The following GARRE1 variants were observed in gnomAD, a reference collection of about 807,000 sequenced individuals.
The protein encoded by GARRE1 is granule associated Rac and RHOG effector 1.
In GARRE1, 49 loss-of-function variants were observed where a neutral mutation model predicts 103.2. The ratio of observed to expected loss-of-function variants is 0.47; its 90% confidence interval spans 0.38 to 0.60. The LOEUF is 0.60. Among genes scored for constraint, GARRE1 ranks in the 20% least tolerant of loss-of-function variants. The probability of loss-of-function intolerance (pLI) is 0.00; values close to 1 mark genes in which losing one functional copy is unlikely to be tolerated. For synonymous variants in GARRE1, 505 were observed against 532.8 expected, an observed-to-expected ratio of 0.95 and a Z score of 0.72; for missense variants, 1,199 against 1,370.5, an observed-to-expected ratio of 0.87 and a Z score of 1.98.
chr19:34,321,547 C>T (rs992624900), intron 3 of GARRE1, among the ~76,000 whole-genome samples: 1 of 150,888 alleles, frequency 6.6e-6, no homozygotes, highest in Non-Finnish European at 1.5e-5. Context: ...CTCCGCCTGC[C>T]GGGTTCAAAC....
chr19:34,304,478 C>T (rs997867290), intron 2 of GARRE1, among the ~76,000 whole-genome samples: 4 of 149,612 alleles, frequency 2.7e-5, no homozygotes, highest in South Asian at 2.1e-4. Context: ...TGGGTTAAAG[C>T]GATTCTTGTG....
At chr19:34,301,007 T>C (rs932936766) in intron 2 of GARRE1, 39 bp downstream of exon 2, 14 of 1,558,292 alleles carry the variant, frequency 9.0e-6, no homozygotes, top group Non-Finnish European at 1.2e-5. Flanking sequence ...TAGGAAAATA[T>C]ACTACAAAGG....
At chr19:34,312,054 G>A (rs368449093) in intron 2 of GARRE1, among the ~76,000 whole-genome samples, 6 of 152,144 alleles carry the variant, frequency 3.9e-5, no homozygotes, top group African/African-American at 1.4e-4. Flanking sequence ...GGGCTTAAGC[G>A]ATCCTCCTGT....
intron 12 of GARRE1, among the ~76,000 whole-genome samples, chr19:34,349,529 A>G (rs1459899486): frequency 6.6e-6 from 1 of 152,250 alleles, no homozygotes; most frequent in Non-Finnish European, 1.5e-5. Context: ...TCTTTATTAA[A>G]GATGGATAAA....
chr19:34,318,160 TG>T (rs1456364101), intron 2 of GARRE1, among the ~76,000 whole-genome samples: 4 of 152,218 alleles, frequency 2.6e-5, no homozygotes, highest in South Asian at 2.1e-4. Flanking sequence ...ATAAGTGTCT[TG>T]CTGGGAACTG....
At chr19:34,256,409 A>C (rs1324323804) in intron 1 of GARRE1, among the ~76,000 whole-genome samples, 1 of 151,756 alleles carries the variant, frequency 6.6e-6, no homozygotes, top group Non-Finnish European at 1.5e-5. Context: ...AGTCCCAGCT[A>C]CTTGGGAGGC....
Position 34,323,023 on chromosome 19 carries a change from C to CTT in GARRE1, c.705+2933_705+2934dup, listed in dbSNP as rs71165649. 3.6e-3 allele frequency among the ~76,000 whole-genome samples: 242 copies of CTT among 66,700 alleles called. 30 individuals carry two copies. The highest frequency in any genetic ancestry group is 0.013 in the African/African-American group (227 of 17,600). 43.8% of individuals were successfully genotyped at this position (66,700 alleles called of 152,430 possible). A position where few individuals can be genotyped will look rare whatever the true frequency, so the allele number is the denominator to read the frequency against. On this transcript the variant is annotated intron_variant, in intron 3 of 13. Transcript: ENST00000299505. ...ATTAACTTGGCAAAGTATTTCTTTT[C>CTT]TTTTTTTTTTTTTTTTTTTTTTTTT...
intron 1 of GARRE1, among the ~76,000 whole-genome samples, chr19:34,291,197 C>T (rs949745018): frequency 3.3e-5 from 5 of 151,930 alleles, no homozygotes; most frequent in Non-Finnish European, 5.9e-5. Context: ...TGTGAGCCAC[C>T]GCGCCCAGCC....
chr19:34,259,369 A>G (rs2073699660), intron 1 of GARRE1, among the ~76,000 whole-genome samples: 1 of 152,162 alleles, frequency 6.6e-6, no homozygotes, highest in South Asian at 2.1e-4. Context: ...ACGTGGTCCT[A>G]CTCTGGATGT....
intron 2 of GARRE1, among the ~76,000 whole-genome samples, chr19:34,316,834 G>A (rs1207794630): frequency 3.3e-5 from 5 of 152,222 alleles, no homozygotes; most frequent in Admixed American, 6.5e-5. Flanking sequence ...TTATAGGAAA[G>A]AAGCTTAGGT....
chr19:34,269,222 C>G (rs1281253030), intron 1 of GARRE1, among the ~76,000 whole-genome samples: 1 of 152,186 alleles, frequency 6.6e-6, no homozygotes, highest in African/African-American at 2.4e-5. Context: ...GAGCAAATGT[C>G]AGTACCAGAG....
chr19:34,322,232 C>T (rs536325504), intron 3 of GARRE1, among the ~76,000 whole-genome samples: 4 of 152,238 alleles, frequency 2.6e-5, no homozygotes, highest in African/African-American at 9.6e-5. Flanking sequence ...AGTATAATGG[C>T]GTGATCTTGG....
At chr19:34,306,566 G>A (rs748714521) in intron 2 of GARRE1, among the ~76,000 whole-genome samples, 2 of 152,112 alleles carry the variant, frequency 1.3e-5, no homozygotes, top group African/African-American at 4.8e-5. Flanking sequence ...CCCTTAGCCC[G>A]AGTGGTTCAC....
In GARRE1 at chr19:34,300,935, G is replaced by A. The variant is rs764603418; in HGVS notation, c.462G>A (p.Thr154=). The A allele has an allele frequency of 1.2e-5, 19 of 1,603,174 alleles. No individual in the cohort carries two copies. Among genetic ancestry groups the A allele is most frequent in the Non-Finnish European group, 1.4e-5 (17 of 1,179,698 alleles). Residue 154 remains threonine, a synonymous_variant, in exon 2 of 14, where the codon ACG becomes ACA. Transcript: ENST00000299505. ...MELSAGAANF[T]DQKEFSLQDI... is the part of the protein sequence containing the mutation. Reference sequence around the variant, plus strand: ...TTAGTGCTGGGGCTGCAAATTTTACGGATCAGAAGGAATTCAGTCTCCAGG... The same window carrying A: ...TTAGTGCTGGGGCTGCAAATTTTACAGATCAGAAGGAATTCAGTCTCCAGG...
At chr19:34,344,071 T>C (rs889976231) in intron 10 of GARRE1, among the ~76,000 whole-genome samples, 4 of 151,988 alleles carry the variant, frequency 2.6e-5, no homozygotes, top group African/African-American at 9.7e-5. Context: ...AAATGATAAA[T>C]TAAGCAGCAC....
At chr19:34,286,288 C>T (rs901727815) in intron 1 of GARRE1, among the ~76,000 whole-genome samples, 8 of 149,228 alleles carry the variant, frequency 5.4e-5, no homozygotes, top group African/African-American at 1.7e-4. Flanking sequence ...GGCATGATTT[C>T]GGCTCACTGC....
chr19:34,287,942 C>G (rs1163090046), intron 1 of GARRE1, among the ~76,000 whole-genome samples: 2 of 152,188 alleles, frequency 1.3e-5, no homozygotes, highest in Admixed American at 6.5e-5. Context: ...GTCCGTAACA[C>G]AGGTGCACCC....
At chr19:34,256,519 C>CAA (rs573908708) in intron 1 of GARRE1, among the ~76,000 whole-genome samples, 244 of 106,774 alleles carry the variant, frequency 2.3e-3, no homozygotes, top group African/African-American at 7.3e-3. Context: ...GACTCCATCT[C>CAA]AAAAAAAAAA....
intron 1 of GARRE1, among the ~76,000 whole-genome samples, chr19:34,279,570 A>G (rs543859495): frequency 6.6e-6 from 1 of 152,204 alleles, no homozygotes; most frequent in Admixed American, 6.5e-5. Context: ...CTAATAGGGT[A>G]TGAAGTGGTA....
Sources: gnomAD v4.1 joint callset for allele counts (sites outside exome capture counted in the v4.1 genomes callset) on GRCh38, gnomAD v4.1.1 for gene constraint, MANE v1.5 for transcripts, NCBI Gene and HGNC (gene_info 2026-07-23, HGNC 2026-07-21) for gene names.